Variants in PHACTR2 observed in about 807,000 individuals in gnomAD.
PHACTR2 encodes chromosome 6 open reading frame 56.
PHACTR2 carries 30 observed loss-of-function variants against 76.0 expected under a neutral mutation model. The ratio of observed to expected loss-of-function variants is 0.39; its 90% CI spans 0.30 to 0.54. The LOEUF (loss-of-function observed/expected upper bound fraction) is 0.54. PHACTR2 is among the 20% of genes least tolerant of loss of function. The pLI is 0.61. For synonymous variants in PHACTR2, 292 were observed against 292.5 expected (o/e 1.00, Z 0.02); for missense variants, 696 against 781.1 (o/e 0.89, Z 1.30).
chr6:143,771,109 A>C (rs1582862732), intron 6 of PHACTR2, among the ~76,000 whole-genome samples: 1 of 127,398 alleles, frequency 7.8e-6, no homozygotes, highest in Non-Finnish European at 1.6e-5. Context: ...TAAAAGCAGG[A>C]TTAATTCATA....
intron 2 of PHACTR2, among the ~76,000 whole-genome samples, chr6:143,719,027 C>T (rs1254134637): frequency 6.6e-6 from 1 of 151,808 alleles, no homozygotes; most frequent in South Asian, 2.1e-4. Flanking sequence ...GGACTACAGG[C>T]GTGTGCCATT....
intron 7 of PHACTR2, among the ~76,000 whole-genome samples, chr6:143,773,823 T>A (rs1775208704): frequency 6.6e-6 from 1 of 152,228 alleles, no homozygotes; most frequent in Non-Finnish European, 1.5e-5. Flanking sequence ...CTTCTAAGTT[T>A]TTTCATGGTG....
chr6:143,745,030 C>G (rs1779025824), intron 2 of PHACTR2, among the ~76,000 whole-genome samples: 2 of 152,176 alleles, frequency 1.3e-5, no homozygotes, highest in Non-Finnish European at 2.9e-5. Flanking sequence ...GGCGATAATA[C>G]TTTTCATGGA....
At chr6:143,711,726 G>A (rs1778179659) in intron 1 of PHACTR2, 20 of 598,774 alleles carry the variant, frequency 3.3e-5, no homozygotes, top group Non-Finnish European at 1.6e-5. Flanking sequence ...TGTTGCAGAT[G>A]GATTCAGCTG....
intron 1 of PHACTR2, among the ~76,000 whole-genome samples, chr6:143,645,494 G>A (rs1776644481): frequency 6.6e-6 from 1 of 152,140 alleles, no homozygotes; most frequent in African/African-American, 2.4e-5. Flanking sequence ...GCCACACTCA[G>A]TGTTGGAAAA....
At chr6:143,651,861 TATATA>T (rs1776769364) in intron 1 of PHACTR2, among the ~76,000 whole-genome samples, 1 of 150,138 alleles carries the variant, frequency 6.7e-6, no homozygotes, top group South Asian at 2.1e-4. Flanking sequence ...AATAAAAAAA[TATATA>T]ATATATATAT....
rs17072817 is a variant in PHACTR2 at position 143,609,365 on chromosome 6, T to G, written c.13+1043T>G. Among the ~76,000 whole-genome samples, 972 of 152,318 alleles carry G rather than the reference T, an allele frequency of 6.4e-3. 22 individuals carry two copies. The East Asian group carries it at 0.091, about 14-fold the overall frequency. On this transcript the variant is annotated intron_variant, in intron 1 of 11. Transcript: ENST00000305766. ...ACAAAACTCTGTGACTAACATTATT[T>G]GGTCATTGCCATTGAAGATATTGAA...
At position 143,647,824 on chromosome 6, in the gene PHACTR2, G is replaced by A. The variant is rs1026060835; in HGVS notation, c.13+39502G>A. ...AAAAAAGCCAGTGTGGCTGGAAAGG[G>A]CAGGTAAGGGAGAGCATAAGGGGAA... On this transcript the variant is annotated intron_variant, in intron 1 of 11. Coordinates refer to the PHACTR2 transcript ENST00000305766. This position sits in a 1 kb window ranked among gnomAD's most constrained non-coding sequence, Gnocchi z 4.2. Among the ~76,000 whole-genome samples the A allele has an allele frequency of 1.3e-4, 20 of 152,194 alleles. No individual in the cohort carries two copies. The highest frequency in any genetic ancestry group is 4.8e-4 in the African/African-American group (20 of 41,438).
rs1775279226 is a variant in PHACTR2, at chr6:143,776,683, T to C, written c.1590-645T>C. 6.6e-6 allele frequency among the ~76,000 whole-genome samples: 1 copy of C among 152,160 alleles called. No individual in the cohort carries two copies. Among genetic ancestry groups the C allele is most frequent in the South Asian group, 2.1e-4 (1 of 4,824 alleles). On this transcript the variant is annotated intron_variant, in intron 8 of 12. Coordinates refer to ENST00000440869, the MANE Select transcript of PHACTR2 (RefSeq NM_001100164.2). The surrounding 1 kb of genome is among the most constrained non-coding windows in gnomAD (Gnocchi z 5.3). ...TTTTGGTCTCTGCTACAGCTTAGCT[T>C]ATAGTCTAATTAATATATAGCTCAT...
At chr6:143,674,806 A>G (rs1777212945), upstream of PHACTR2, among the ~76,000 whole-genome samples, 2 of 152,174 alleles carry the variant, frequency 1.3e-5, no homozygotes, top group African/African-American at 4.8e-5. This position sits in a 1 kb window ranked among gnomAD's most constrained non-coding sequence, Gnocchi z 4.9. Context: ...TCTGGCAGTA[A>G]CCTAAGTTAT....
rs1779321897 is a variant in PHACTR2 at position 143,757,231 on chromosome 6, G to C, written c.455-3170G>C. On this transcript the variant is annotated intron_variant, in intron 4 of 12. Transcript: ENST00000440869. The surrounding 1 kb of genome is among the most constrained non-coding windows in gnomAD (Gnocchi z 4.2). ...GACTCTACTAGGGGCCAGGAAAAGA[G>C]TAGTAAATGAAAAATGGCCTTTGCC... Among the ~76,000 whole-genome samples the C allele has an allele frequency of 6.6e-6, 1 of 152,158 alleles. No individual in the cohort carries two copies. The highest frequency in any genetic ancestry group is 1.5e-5 in the Non-Finnish European group (1 of 68,028).
At chr6:143,576,722 C>G (rs904518646) in intron 1 of PHACTR2, among the ~76,000 whole-genome samples, 1 of 151,830 alleles carries the variant, frequency 6.6e-6, no homozygotes. Context: ...ACTAAAAATA[C>G]AAAATTAACC....
Position 143,583,642 on chromosome 6 carries a change from A to G in PHACTR2, c.217+46435A>G, listed in dbSNP as rs533959226. On this transcript the variant is annotated intron_variant, in intron 1 of 11. Coordinates refer to the PHACTR2 transcript ENST00000367584. The surrounding 1 kb of genome is among the most constrained non-coding windows in gnomAD (Gnocchi z 4.0). The stretch of plus-strand genomic sequence containing the variant: ...AGAGACTGTAGATATTATGTGCCTA[A>G]TACTGTAATTTTCCCAGAACTGATA... Among the ~76,000 whole-genome samples the G allele has an allele frequency of 6.6e-6, 1 of 152,384 alleles. No homozygotes were observed. Among genetic ancestry groups the G allele is most frequent in the Non-Finnish European group, 1.5e-5 (1 of 68,036 alleles).
intron 1 of PHACTR2, among the ~76,000 whole-genome samples, chr6:143,601,805 A>C (rs1275140301): frequency 2.6e-5 from 4 of 152,246 alleles, no homozygotes; most frequent in African/African-American, 9.6e-5. Flanking sequence ...TAGCAATCTT[A>C]AAATATTTTG....
intron 1 of PHACTR2, among the ~76,000 whole-genome samples, chr6:143,687,859 G>C (rs576334697): frequency 6.6e-6 from 1 of 152,120 alleles, no homozygotes; most frequent in South Asian, 2.1e-4. Context: ...TTTTATGAGG[G>C]GATATTAAGA....
Position 143,544,466 on chromosome 6 carries a change from T to A in PHACTR2, c.217+7259T>A, listed in dbSNP as rs116807685. ...GACAGATTGACACCTGCCACCTCCC[T>A]ATGCTAGGTTTAAGTCACCTCCCTA... is the stretch of plus-strand genomic sequence containing the variant. On this transcript the variant is annotated intron_variant, in intron 1 of 11. Transcript: ENST00000367584. Among the ~76,000 whole-genome samples, 1,409 of 148,824 alleles carry A rather than the reference T, an allele frequency of 9.5e-3. 30 individuals carry two copies. Among genetic ancestry groups the A allele is most frequent in the African/African-American group, 0.032 (1,235 of 38,244 alleles).
In PHACTR2 at chr6:143,543,356, C is replaced by A. The variant is rs17072764; in HGVS notation, c.217+6149C>A. Among the ~76,000 whole-genome samples the A allele has an allele frequency of 0.024, 3,653 of 152,304 alleles. 138 individuals carry two copies. The highest frequency in any genetic ancestry group is 0.083 in the African/African-American group (3,449 of 41,558). ...ATTTTTCATTTCTTCTTTCAATCAA[C>A]AAATGGCTAGTGAGCTAACACAAAG... is the stretch of plus-strand genomic sequence containing the variant. On this transcript the variant is annotated intron_variant, in intron 1 of 11. Transcript: ENST00000367584. The surrounding 1 kb of genome is among the most constrained non-coding windows in gnomAD (Gnocchi z 4.7).
chr6:143,548,111 A>G lies in PHACTR2; in HGVS notation c.217+10904A>G, dbSNP rs1584051561. Among the ~76,000 whole-genome samples, 1 of 152,284 alleles carries G rather than the reference A, an allele frequency of 6.6e-6. No homozygotes were observed. Among genetic ancestry groups the G allele is most frequent in the African/African-American group, 2.4e-5 (1 of 41,558 alleles). On this transcript the variant is annotated intron_variant, in intron 1 of 11. Transcript: ENST00000367584. This position sits in a 1 kb window ranked among gnomAD's most constrained non-coding sequence, Gnocchi z 4.5. ...GAGGCTGGAAGTTCAAGATCAAGAC[A>G]CTGGCAGATTCAGTGTTTGGCGAGG...
chr6:143,777,218 T>C lies in PHACTR2; in HGVS notation c.1590-110T>C, dbSNP rs563867597. 11 of 600,312 alleles carry C rather than the reference T, an allele frequency of 1.8e-5. No individual in the cohort carries two copies. Among genetic ancestry groups the C allele is most frequent in the Middle Eastern group, 2.7e-4 (1 of 3,746 alleles). The allele number at this position is 600,312 out of a possible 1,614,324, so 37.2% of individuals were successfully genotyped here. ...GACTTTTATTTTGCAGCTTTAAAAA[T>C]GGATTTTTATTTCTCAAAACATGAA... On this transcript the variant is annotated intron_variant, in intron 8 of 12. Transcript: ENST00000440869. This position sits in a 1 kb window ranked among gnomAD's most constrained non-coding sequence, Gnocchi z 4.6.
Sources: allele counts gnomAD v4.1 joint callset (sites outside exome capture counted in the v4.1 genomes callset), GRCh38; gene constraint gnomAD v4.1.1; non-coding constraint Gnocchi (gnomAD v3.1); transcripts MANE v1.5; gene names NCBI Gene and HGNC (gene_info 2026-07-23, HGNC 2026-07-21).